The following NASP variants were observed in gnomAD, a reference collection of about 807,000 sequenced individuals.
NASP encodes NASP histone chaperone.
NASP carries 24 observed loss-of-function variants against 89.5 expected under a neutral mutation model. The observed-to-expected ratio is 0.27, with a 90% CI of 0.19 to 0.38. The LOEUF (loss-of-function observed/expected upper bound fraction) is 0.38, where lower values mean the gene tolerates loss of function less well. NASP is among the 10% of genes least tolerant of loss of function. The pLI, the probability that NASP is intolerant of heterozygous loss-of-function variation, is 1.00. For synonymous variants in NASP, 306 were observed against 324.7 expected (o/e 0.94, Z 0.62); for missense variants, 848 against 921.4 (o/e 0.92, Z 1.03).
At chr1:45,594,213 C>T (rs1037844408) in intron 2 of NASP, among the ~76,000 whole-genome samples, 6 of 151,764 alleles carry the variant, frequency 4.0e-5, no homozygotes, top group African/African-American at 1.5e-4. Flanking sequence ...CCTGTAATTC[C>T]AGCTACTTGG....
chr1:45,614,923 G>T (rs916138915), intron 9 of NASP, 90 bp from the exon 10 acceptor site: 1 of 1,044,182 alleles, frequency 9.6e-7, no homozygotes, highest in South Asian at 1.6e-5. Flanking sequence ...TGTTAAATAT[G>T]GGTGCATTCC....
chr1:45,613,103 G>GA, intron 6 of NASP, 66 bp from the exon 7 acceptor site: 1 of 1,537,682 alleles, frequency 6.5e-7, no homozygotes, highest in South Asian at 1.3e-5. Context: ...ACGTGTATTG[G>GA]AATCTCTGAC....
chr1:45,593,518 G>A (rs533305494), intron 2 of NASP, among the ~76,000 whole-genome samples: 171 of 138,526 alleles, frequency 1.2e-3, no homozygotes, highest in Middle Eastern at 7.6e-3. Flanking sequence ...GGGTGACAGA[G>A]TGAGACTGTC....
chr1:45,587,793 GTGCATCAGCCTCC>G (rs1644578704), intron 1 of NASP, among the ~76,000 whole-genome samples: 1 of 148,906 alleles, frequency 6.7e-6, no homozygotes. Context: ...AGCGATTCTT[GTGCATCAGCCTCC>G]CAAGTAGCTG....
intron 9 of NASP, 23 bp downstream of exon 9, chr1:45,614,389 C>T (rs1644066596): frequency 1.3e-6 from 2 of 1,534,312 alleles, no homozygotes; most frequent in Non-Finnish European, 9.0e-7. Flanking sequence ...CCATTTTATA[C>T]TCTCCTACTC....
intron 6 of NASP, among the ~76,000 whole-genome samples, chr1:45,608,757 A>G (rs1340681546): frequency 2.0e-5 from 3 of 152,126 alleles, no homozygotes; most frequent in Non-Finnish European, 4.4e-5. Context: ...ATTATTGTTC[A>G]CATGACTCCT....
At chr1:45,606,261 C>G (rs911001948) in intron 4 of NASP, among the ~76,000 whole-genome samples, 2 of 152,128 alleles carry the variant, frequency 1.3e-5, no homozygotes, top group South Asian at 4.1e-4. Flanking sequence ...GCTTTTCAGG[C>G]GGCTGGATGG....
At chr1:45,586,239 C>CGCGTGTGTGT (rs1644532749) in intron 1 of NASP, among the ~76,000 whole-genome samples, 1 of 110,232 alleles carries the variant, frequency 9.1e-6, no homozygotes, top group African/African-American at 3.9e-5. Context: ...CCTACCGTGC[C>CGCGTGTGTGT]GTGTGTGTGT....
chr1:45,593,416 C>T (rs945751932), intron 2 of NASP, among the ~76,000 whole-genome samples: 4 of 151,322 alleles, frequency 2.6e-5, no homozygotes, highest in Non-Finnish European at 5.9e-5. Flanking sequence ...GCCTATAATC[C>T]CAGCTACTCG....
rs200788817 is a variant in NASP at position 45,615,315 on chromosome 1, C to A, written c.1866C>A (p.Asn622Lys). 1 of 1,613,830 alleles carries A rather than the reference C, an allele frequency of 6.2e-7. No homozygotes were observed. Among genetic ancestry groups the A allele is most frequent in the East Asian group, 2.2e-5 (1 of 44,884 alleles). ...CTTTATTCTTTTTAGCTGTACTAAACGAGCAGGTGAAGGAGGCTGAAGGAT... is the reference window on the plus strand; with the variant it reads ...CTTTATTCTTTTTAGCTGTACTAAAAGAGCAGGTGAAGGAGGCTGAAGGAT... ...EVIENRMAVL[N>K]EQVKEAEGSS... Residue 622 changes from asparagine to lysine, a missense_variant, in exon 11 of 15, where the codon AAC (asparagine) becomes AAA (lysine). Asn to Lys is a moderately conservative substitution (Grantham distance 94, BLOSUM62 0). Coordinates refer to ENST00000350030, the MANE Select transcript of NASP (RefSeq NM_002482.4).
At position 45,608,106 on chromosome 1, in the gene NASP, G is replaced by C. The variant is rs754125773; in HGVS notation, c.1195G>C (p.Glu399Gln). ...TCCTATTGAACCACAGACTTCTATA[G>C]AAAGACTGACAGAAACAAAAGATGG... ...QTPIEPQTSI[E>Q]RLTETKDGSG... The change falls in exon 6 of 15, where the codon GAA (glutamate) becomes CAA (glutamine). Residue 399 changes from glutamate (E) to glutamine (Q), a missense_variant. By Grantham distance (29) the Glu-to-Gln change is conservative (BLOSUM62 2). Transcript: ENST00000350030. The C allele has an allele frequency of 6.2e-7, 1 of 1,613,996 alleles. No individual in the cohort carries two copies. The highest frequency in any genetic ancestry group is 1.3e-5 in the African/African-American group (1 of 75,038).
chr1:45,592,458 T>C (rs1643575492), intron 2 of NASP, among the ~76,000 whole-genome samples: 1 of 152,236 alleles, frequency 6.6e-6, no homozygotes, highest in South Asian at 2.1e-4. Context: ...TCATGTGTTA[T>C]GGAAAAGCTT....
At chr1:45,612,211 C>G (rs893801291) in intron 6 of NASP, 8 of 152,256 alleles carry the variant, frequency 5.3e-5, no homozygotes, top group African/African-American at 1.9e-4. Context: ...AAAACGGAAT[C>G]TCTTTGTGGT....
intron 6 of NASP, chr1:45,612,195 T>G (rs1017941999): frequency 1.8e-4 from 28 of 152,118 alleles, no homozygotes; most frequent in African/African-American, 5.6e-4. Flanking sequence ...TTTCTAAGCT[T>G]CTTTGAAAAC....
rs1314936570 is a variant in NASP, at chr1:45,616,710, C to CTACA, written c.2157+9_2157+12dup. Reference sequence around the variant, plus strand: ...CCACCTTGTCAGAAAGAAGGTAAGTCTACATGTGGTGTTTCTTTTCTACCG... The same window carrying CTACA: ...CCACCTTGTCAGAAAGAAGGTAAGTCTACATACATGTGGTGTTTCTTTTCTACCG... On this transcript the variant is annotated splice_region_variant and intron_variant, in intron 13 of 14. Coordinates refer to ENST00000350030, the MANE Select transcript of NASP (RefSeq NM_002482.4). 1 of 1,608,578 alleles carries CTACA rather than the reference C, an allele frequency of 6.2e-7. No homozygotes were observed. Among genetic ancestry groups the CTACA allele is most frequent in the Non-Finnish European group, 8.5e-7 (1 of 1,175,022 alleles).
At chr1:45,603,921 T>G (rs1570978737) in intron 3 of NASP, among the ~76,000 whole-genome samples, 1 of 152,222 alleles carries the variant, frequency 6.6e-6, no homozygotes, top group Non-Finnish European at 1.5e-5. Flanking sequence ...ATTTAGGTAT[T>G]TTTATTTAAA....
Position 45,594,806 on chromosome 1 carries a change from A to G in NASP, c.107+3536A>G. On this transcript the variant is annotated intron_variant, in intron 2 of 14. Coordinates refer to ENST00000350030, the MANE Select transcript of NASP (RefSeq NM_002482.4). Reference sequence around the variant, plus strand: ...CCACTATGCTTGGCATAAGCATTTGATTTTTAGAGGACCAGAATATTCTGA... The same window carrying G: ...CCACTATGCTTGGCATAAGCATTTGGTTTTTAGAGGACCAGAATATTCTGA... 4 of 414,436 alleles carry G rather than the reference A, an allele frequency of 9.7e-6. No individual in the cohort carries two copies. In the Admixed American group the frequency reaches 1.0e-4, roughly 10 times the overall value. 25.7% of individuals were successfully genotyped at this position (414,436 alleles called of 1,614,324 possible).
At chr1:45,588,393 C>T (rs1041264900) in intron 1 of NASP, among the ~76,000 whole-genome samples, 5 of 152,100 alleles carry the variant, frequency 3.3e-5, no homozygotes, top group African/African-American at 4.8e-5. Flanking sequence ...CGTTAGCCAC[C>T]GTGCCCAGGC....
At chr1:45,614,257 A>G in intron 8 of NASP, 36 bp from the exon 9 acceptor site, 2 of 1,600,364 alleles carry the variant, frequency 1.2e-6, no homozygotes, top group Non-Finnish European at 1.7e-6. Flanking sequence ...TTAGACAGGT[A>G]CTGTTAAGGT....
Sources: gnomAD v4.1 joint callset for allele counts (sites outside exome capture counted in the v4.1 genomes callset) on GRCh38, gnomAD v4.1.1 for gene constraint, MANE v1.5 for transcripts, NCBI Gene and HGNC (gene_info 2026-07-23, HGNC 2026-07-21) for gene names.